Variants in COL4A5 observed in about 807,000 individuals in gnomAD.
COL4A5 encodes collagen alpha-5(IV) chain.
Under a neutral mutation model 130.2 loss-of-function variants are expected in COL4A5, and 26 were observed. The observed-to-expected ratio is 0.20, with a 90% CI of 0.15 to 0.28. COL4A5 has a LOEUF of 0.28. Ranked by LOEUF, COL4A5 falls within the 10% of genes least tolerant of loss-of-function variation. COL4A5 has a pLI of 1.00. For missense variants in COL4A5, 1,131 were observed against 1,344.3 expected, an observed-to-expected ratio of 0.84 and a Z score of 2.48; for synonymous variants, 496 against 439.6, an observed-to-expected ratio of 1.13 and a Z score of -1.60.
intron 1 of COL4A5, among the ~76,000 whole-genome samples, chrX:108,531,796 T>G (rs990686193): frequency 9.0e-6 from 1 of 111,467 alleles, no homozygotes; most frequent in Non-Finnish European, 1.9e-5. Context: ...TCATCAGAGA[T>G]TATTATGGAC....
intron 1 of COL4A5, among the ~76,000 whole-genome samples, chrX:108,457,340 G>T (rs1464837493): frequency 8.9e-6 from 1 of 111,860 alleles, no homozygotes; most frequent in Non-Finnish European, 1.9e-5. Flanking sequence ...AGTTGTAGTT[G>T]TTCCTCGTCA....
At chrX:108,583,540 G>A (rs1311823034) in intron 17 of COL4A5, among the ~76,000 whole-genome samples, 1 of 111,271 alleles carries the variant, frequency 9.0e-6, no homozygotes, top group East Asian at 2.8e-4. Flanking sequence ...TAATTGCTTC[G>A]TATCAAAAAC....
At position 108,679,908 on chromosome X, in the gene COL4A5, A is replaced by C. The variant is rs191225705; in HGVS notation, c.3943-771A>C. 3.0e-3 allele frequency among the ~76,000 whole-genome samples: 340 copies of C among 112,344 alleles called. 1 individual carries two copies. Among genetic ancestry groups the C allele is most frequent in the African/African-American group, 0.01 (325 of 31,004 alleles). Reference sequence around the variant, plus strand: ...AATATTGTCAGCAAAAGACAATGAGATCTAGAGGAGAAAAAGGAAGAGCTT... The same window carrying C: ...AATATTGTCAGCAAAAGACAATGAGCTCTAGAGGAGAAAAAGGAAGAGCTT... On this transcript the variant is annotated intron_variant, in intron 44 of 52. Coordinates refer to ENST00000328300, the MANE Select transcript of COL4A5 (RefSeq NM_033380.3).
intron 1 of COL4A5, among the ~76,000 whole-genome samples, chrX:108,533,947 C>T (rs1185073867): frequency 1.8e-5 from 2 of 111,248 alleles, no homozygotes; most frequent in African/African-American, 6.5e-5. Flanking sequence ...AAATGCTCAA[C>T]ATCGCTAATC....
Position 108,687,702 on chromosome X carries a change from A to C in COL4A5, c.4528+8A>C. 8.4e-7 allele frequency: 1 copy of C among 1,193,985 alleles called. No homozygotes were observed. The highest frequency in any genetic ancestry group is 1.1e-6 in the Non-Finnish European group (1 of 879,862). On this transcript the variant is annotated splice_region_variant and intron_variant, in intron 49 of 52. Coordinates refer to ENST00000328300, the MANE Select transcript of COL4A5 (RefSeq NM_033380.3). ...CCCACGGTCAAGACTTGGGTGAGAT[A>C]ATCAATATCTAATTTCCTACTGTGC...
At chrX:108,690,720 A>G (rs975187803) in intron 49 of COL4A5, among the ~76,000 whole-genome samples, 1 of 111,567 alleles carries the variant, frequency 9.0e-6, no homozygotes, top group African/African-American at 3.3e-5. Flanking sequence ...GCCTTGAAGT[A>G]TGAAAACCTC....
chrX:108,611,552 A>G (rs770754080), intron 29 of COL4A5, among the ~76,000 whole-genome samples: 89 of 111,736 alleles, frequency 8.0e-4, no homozygotes, highest in Non-Finnish European at 1.5e-3. Flanking sequence ...ACATTTGACA[A>G]CTTAGATTAA....
At chrX:108,535,885 A>G (rs1018363359) in intron 1 of COL4A5, among the ~76,000 whole-genome samples, 2 of 109,995 alleles carry the variant, frequency 1.8e-5, no homozygotes, top group South Asian at 3.8e-4. Context: ...CAGTCTGGAT[A>G]CCTAACTGGC....
At chrX:108,606,132 C>T (rs938677445) in intron 28 of COL4A5, among the ~76,000 whole-genome samples, 3 of 111,473 alleles carry the variant, frequency 2.7e-5, no homozygotes, top group African/African-American at 9.8e-5. Context: ...ATGAGAAAAC[C>T]ACTTCTCTAT....
At chrX:108,515,590 CAA>C (rs2065213682) in intron 1 of COL4A5, among the ~76,000 whole-genome samples, 1 of 110,686 alleles carries the variant, frequency 9.0e-6, no homozygotes, top group African/African-American at 3.3e-5. Context: ...TTTGTCATGA[CAA>C]GAGCATAAAG....
At chrX:108,513,643 G>A (rs1354069711) in intron 1 of COL4A5, among the ~76,000 whole-genome samples, 1 of 111,139 alleles carries the variant, frequency 9.0e-6, no homozygotes. Flanking sequence ...CCAGTTTTTT[G>A]TCAGATGTAT....
chrX:108,505,775 G>A (rs1420311897), intron 1 of COL4A5, among the ~76,000 whole-genome samples: 1 of 112,065 alleles, frequency 8.9e-6, no homozygotes, highest in Non-Finnish European at 1.9e-5. Flanking sequence ...ACAATATTTT[G>A]TTTTGGTAGG....
intron 2 of COL4A5, among the ~76,000 whole-genome samples, chrX:108,548,647 G>A (rs370577542): frequency 2.7e-5 from 3 of 110,871 alleles, no homozygotes; most frequent in East Asian, 5.7e-4. Context: ...CTCAAGCAAA[G>A]TAAAAACGAA....
At chrX:108,659,233 A>G (rs982096710) in intron 37 of COL4A5, among the ~76,000 whole-genome samples, 2 of 111,130 alleles carry the variant, frequency 1.8e-5, no homozygotes, top group African/African-American at 6.5e-5. Context: ...ATTGATTTTT[A>G]ATTTGATTCT....
intron 52 of COL4A5, chrX:108,695,676 C>T (rs1173424932): frequency 4.4e-5 from 17 of 382,573 alleles, no homozygotes; most frequent in Non-Finnish European, 7.3e-5. Context: ...AATAATGAAA[C>T]AGAGATAAAG....
intron 1 of COL4A5, among the ~76,000 whole-genome samples, chrX:108,458,167 TTCTTTCATA>T (rs772623194): frequency 0.092 from 10,241 of 111,514 alleles, 1,084 homozygotes; most frequent in African/African-American, 0.3. Context: ...CACCAAGATT[TTCTTTCATA>T]TTTGCTTCTA....
chrX:108,579,180 C>T (rs2066204420), intron 13 of COL4A5, among the ~76,000 whole-genome samples: 1 of 111,510 alleles, frequency 9.0e-6, no homozygotes, highest in African/African-American at 3.3e-5. Context: ...TATTTCTCCC[C>T]AAATTGACCA....
At chrX:108,667,074 T>G in intron 39 of COL4A5, 59 bp from the exon 40 acceptor site, 1 of 1,094,521 alleles carries the variant, frequency 9.1e-7, no homozygotes, top group Non-Finnish European at 1.3e-6. Context: ...AATTTGGCCT[T>G]GTTTCAGTTT....
chrX:108,445,171 G>A (rs2064440618), intron 1 of COL4A5, among the ~76,000 whole-genome samples: 1 of 110,950 alleles, frequency 9.0e-6, no homozygotes, highest in African/African-American at 3.3e-5. Flanking sequence ...CAAATCTCCT[G>A]TCTGATTTTC....
Sources: gnomAD v4.1 joint callset for allele counts (sites outside exome capture counted in the v4.1 genomes callset) on GRCh38, gnomAD v4.1.1 for gene constraint, MANE v1.5 for transcripts, NCBI Gene and HGNC (gene_info 2026-07-23, HGNC 2026-07-21) for gene names.